The following MYO19 variants were observed in gnomAD, a reference collection of about 807,000 sequenced individuals.
MYO19 encodes unconventional myosin-XIX.
A neutral mutation model predicts 129.2 loss-of-function variants in MYO19; 132 were observed. The observed-to-expected ratio is 1.02, with a 90% CI of 0.89 to 1.18. MYO19 has a LOEUF of 1.18. Among genes scored for constraint, MYO19 ranks in the 50% most tolerant of loss-of-function variants. The pLI is 0.00. For synonymous variants in MYO19, 531 were observed against 477.2 expected (o/e 1.11, Z -1.47); for missense variants, 1,210 against 1,216.7 (o/e 0.99, Z 0.08).
intron 13 of MYO19, chr17:36,509,478 G>A (rs1234231772): frequency 5.7e-6 from 2 of 353,338 alleles, no homozygotes; most frequent in African/African-American, 4.1e-5. Flanking sequence ...GGGCAGATGG[G>A]CCTGGGTGTG....
chr17:36,501,274 T>C, intron 21 of MYO19, 39 bp from the exon 22 acceptor site: 1 of 1,572,328 alleles, frequency 6.4e-7, no homozygotes. Flanking sequence ...CATGGTCATC[T>C]CTACATGCCT....
chr17:36,512,589 C>T lies in MYO19; in HGVS notation c.894+840G>A, dbSNP rs184118940. 1.2e-5 allele frequency: 15 copies of T among 1,265,600 alleles called. No individual in the cohort carries two copies. In the African/African-American group the frequency reaches 2.3e-4, roughly 19 times the overall value. 78.4% of individuals were successfully genotyped at this position (1,265,600 alleles called of 1,614,324 possible). A position where few individuals can be genotyped will look rare whatever the true frequency, so the allele number is the denominator to read the frequency against. ...ATGCCCACCCCCAAAGCACTCCTGCCCCGACTCCCAGTGTTGTCCACTTAT... is the reference window on the plus strand; with the variant it reads ...ATGCCCACCCCCAAAGCACTCCTGCTCCGACTCCCAGTGTTGTCCACTTAT... On this transcript the variant is annotated intron_variant, in intron 11 of 25. Coordinates refer to ENST00000614623, the MANE Select transcript of MYO19 (RefSeq NM_001163735.2).
At chr17:36,518,677 T>C (rs1405135237) in intron 6 of MYO19, among the ~76,000 whole-genome samples, 1 of 150,210 alleles carries the variant, frequency 6.7e-6, no homozygotes, top group African/African-American at 2.4e-5. Context: ...TATGACAGCA[T>C]AGCATCATTA....
chr17:36,496,021 C>T lies in MYO19; in HGVS notation c.*230G>A. On this transcript the variant is annotated 3_prime_UTR_variant, in exon 26 of 26. Transcript: ENST00000614623. ...GAAATGTGGCCCTGATGTTTCTTAA[C>T]CCTGATTTGGTAACTACCAGCCCTG... is the stretch of plus-strand genomic sequence containing the variant. The T allele has an allele frequency of 1.3e-6, 1 of 797,672 alleles. No individual in the cohort carries two copies. Among genetic ancestry groups the T allele is most frequent in the Non-Finnish European group, 1.8e-6 (1 of 545,034 alleles). The allele number at this position is 797,672 out of a possible 1,614,324, so 49.4% of individuals were successfully genotyped here. A position where few individuals can be genotyped will look rare whatever the true frequency, so the allele number is the denominator to read the frequency against.
chr17:36,515,062 C>A, intron 8 of MYO19, 51 bp downstream of exon 8: 1 of 1,542,776 alleles, frequency 6.5e-7, no homozygotes, highest in Non-Finnish European at 8.8e-7. Context: ...CAGCCACTTT[C>A]AACCTCCCCA....
At chr17:36,540,464 A>C (rs1164231799) in intron 2 of MYO19, among the ~76,000 whole-genome samples, 6 of 149,684 alleles carry the variant, frequency 4.0e-5, no homozygotes, top group Non-Finnish European at 7.4e-5. Context: ...TCCGCCTCCC[A>C]GATTCAAGCA....
intron 6 of MYO19, among the ~76,000 whole-genome samples, chr17:36,518,489 GAAAAAAAAAAAAAAAAAA>G (rs1165317347): frequency 2.6e-3 from 63 of 24,056 alleles, no homozygotes; most frequent in African/African-American, 7.9e-3. Flanking sequence ...GATCTCAGAG[GAAAAAAAAAAAAAAAAAA>G]AAAAAAAAAA....
chr17:36,537,527 T>A, upstream of MYO19: 1 of 1,614,230 alleles, frequency 6.2e-7, no homozygotes, highest in Non-Finnish European at 8.5e-7. Context: ...TTACTGCTAT[T>A]GCTATTTTGG....
intron 11 of MYO19, chr17:36,513,058 T>A (rs1230196505): frequency 8.3e-7 from 1 of 1,211,012 alleles, no homozygotes; most frequent in Admixed American, 3.8e-5. Context: ...CACAGAGGAC[T>A]GTTTAAAAAA....
intron 3 of MYO19, among the ~76,000 whole-genome samples, chr17:36,530,542 C>T: frequency 6.8e-6 from 1 of 147,774 alleles, no homozygotes; most frequent in East Asian, 2.0e-4. Flanking sequence ...CTGCAAGCTC[C>T]GCCTCCCGGG....
In MYO19 at chr17:36,500,881, G is replaced by A. The variant is rs146710980; in HGVS notation, c.2326C>T (p.Arg776Trp). 407 of 1,606,118 alleles carry A rather than the reference G, an allele frequency of 2.5e-4. No individual in the cohort carries two copies. The African/African-American group carries it at 4.1e-3, about 16-fold the overall frequency. ...CACTGCCGCTCCTGCTCTCGGTGCC[G>A]GTGTCGCCTCCAGCCACCCTGGATG... is the stretch of plus-strand genomic sequence containing the variant. ...RCIQGGWRRHRHREQERQWRA... is the reference protein window; with the variant it reads ...RCIQGGWRRHWHREQERQWRA... The change falls in exon 23 of 26, where the codon CGG becomes TGG. Residue 776 changes from arginine (R) to tryptophan (W), a missense_variant. Physicochemically the swap from Arg to Trp is moderately radical, Grantham distance 101 (BLOSUM62 -3). Coordinates refer to ENST00000614623, the MANE Select transcript of MYO19 (RefSeq NM_001163735.2).
At chr17:36,499,407 A>G (rs1007411590) in intron 23 of MYO19, 19 of 323,956 alleles carry the variant, frequency 5.9e-5, no homozygotes, top group South Asian at 1.5e-4. Flanking sequence ...GGGGAGAAGG[A>G]CTGGCTGAGG....
upstream of MYO19, among the ~76,000 whole-genome samples, chr17:36,536,882 A>C (rs11650008): frequency 0.52 from 79,173 of 151,970 alleles, 20,841 homozygotes; most frequent in East Asian, 0.64. Flanking sequence ...CCAATAATTT[A>C]ATATTATTAG....
intron 7 of MYO19, 90 bp downstream of exon 7, chr17:36,515,768 A>G: frequency 1.4e-6 from 2 of 1,432,458 alleles, no homozygotes; most frequent in Non-Finnish European, 1.9e-6. Flanking sequence ...CACCCAAGAG[A>G]GGGTCTCAAA....
chr17:36,518,111 T>C (rs1328874598), intron 6 of MYO19, among the ~76,000 whole-genome samples: 3 of 145,638 alleles, frequency 2.1e-5, no homozygotes, highest in Non-Finnish European at 4.5e-5. Flanking sequence ...AAAGAGGTAA[T>C]GAAGATGTTG....
chr17:36,509,091 G>A lies in MYO19; in HGVS notation c.1202C>T (p.Ala401Val). 1 of 1,613,872 alleles carries A rather than the reference G, an allele frequency of 6.2e-7. No homozygotes were observed. Reference protein sequence around the residue: ...LVSVINSSICADTDSWTTFIG... With the variant: ...LVSVINSSICVDTDSWTTFIG... Reference sequence around the variant, plus strand: ...GAAAGTGGTCCACGAGTCGGTGTCTGCACAGATGCTGCTGTTGATCACTGA... The same window carrying A: ...GAAAGTGGTCCACGAGTCGGTGTCTACACAGATGCTGCTGTTGATCACTGA... The change falls in exon 14 of 26, where the codon GCA becomes GTA. Residue 401 changes from alanine (A) to valine (V), a missense_variant. By Grantham distance (64) the Ala-to-Val change is moderately conservative. Coordinates refer to ENST00000614623, the MANE Select transcript of MYO19 (RefSeq NM_001163735.2).
chr17:36,504,984 G>A, intron 19 of MYO19: 1 of 523,842 alleles, frequency 1.9e-6, no homozygotes, highest in Non-Finnish European at 3.6e-6. Context: ...GGACTGTGTG[G>A]TGATGTAGAC....
chr17:36,538,277 T>C, upstream of MYO19: 1 of 1,613,428 alleles, frequency 6.2e-7, no homozygotes, highest in Non-Finnish European at 8.5e-7. Flanking sequence ...TACTGGGTGA[T>C]ATAATTTTGA....
chr17:36,517,173 T>C (rs187514059), intron 6 of MYO19, among the ~76,000 whole-genome samples: 92 of 152,362 alleles, frequency 6.0e-4, no homozygotes, highest in African/African-American at 2.1e-3. Context: ...GTAAGATCTA[T>C]ATTGATGTCT....
Sources: gnomAD v4.1 joint callset for allele counts (sites outside exome capture counted in the v4.1 genomes callset) on GRCh38, gnomAD v4.1.1 for gene constraint, MANE v1.5 for transcripts, NCBI Gene and HGNC (gene_info 2026-07-23, HGNC 2026-07-21) for gene names.